The following TGM2 variants were observed in gnomAD, a reference collection of about 807,000 sequenced individuals.
The protein encoded by TGM2 is protein-glutamine gamma-glutamyltransferase 2.
In TGM2, 53 loss-of-function variants were observed where a neutral mutation model predicts 75.6. That is an observed-to-expected ratio of 0.70 (90% CI 0.56 to 0.88). The LOEUF is 0.88. TGM2 is among the 40% of genes least tolerant of loss of function. The probability of loss-of-function intolerance (pLI) is 0.00; values close to 1 mark genes in which losing one functional copy is unlikely to be tolerated. For missense variants in TGM2, 842 were observed against 928.5 expected, an observed-to-expected ratio of 0.91 and a Z score of 1.21; for synonymous variants, 374 against 381.1, an observed-to-expected ratio of 0.98 and a Z score of 0.22.
chr20:38,138,687 G>A (rs45484598), intron 9 of TGM2, among the ~76,000 whole-genome samples: 54 of 152,296 alleles, frequency 3.5e-4, no homozygotes, highest in Admixed American at 3.5e-3. Context: ...CGAGGGCTAA[G>A]GCTGTGTTTT....
intron 1 of TGM2, 118 bp downstream of exon 1, chr20:38,165,071 C>T: frequency 4.7e-6 from 7 of 1,496,982 alleles, no homozygotes; most frequent in East Asian, 2.3e-5. Context: ...GCCTCCTCAC[C>T]CAGCCCGGTC....
rs2122887787 is a variant in TGM2, at chr20:38,142,076, C to T, written c.983G>A (p.Ser328Asn). ...NEFGEIQGDK[S>N]EMIWNFHCWV... is the part of the protein sequence containing the mutation. ...GCCCCCACCTCACCAGATCATCTCG[C>T]TCTTGTCACCCTGGATCTCCCCAAA... The change falls in exon 7 of 13, where the codon AGC becomes AAC. Residue 328 changes from serine to asparagine, a missense_variant. Ser to Asn is a conservative substitution (Grantham distance 46). Transcript: ENST00000361475. The T allele has an allele frequency of 2.5e-6, 4 of 1,614,190 alleles. No homozygotes were observed. Among genetic ancestry groups the T allele is most frequent in the African/African-American group, 1.3e-5 (1 of 75,048 alleles).
In TGM2 at chr20:38,149,678, C is replaced by CAAAAAAAA. The variant is rs1199376180; in HGVS notation, c.552+1253_552+1260dup. ...TGGGCAACAGAGCGAGACTCCGCCT[C>CAAAAAAAA]AAAAAAAAAAAAAAAAAAAAAAACA... On this transcript the variant is annotated intron_variant, in intron 4 of 12. Coordinates refer to ENST00000361475, the MANE Select transcript of TGM2 (RefSeq NM_004613.4). Among the ~76,000 whole-genome samples, 35 of 40,434 alleles carry CAAAAAAAA rather than the reference C, an allele frequency of 8.7e-4. 2 individuals are homozygous for CAAAAAAAA. The highest frequency in any genetic ancestry group is 8.5e-3 in the South Asian group (8 of 944). The allele number at this position is 40,434 out of a possible 152,430, so 26.5% of individuals were successfully genotyped here.
Position 38,129,006 on chromosome 20 carries a change from A to C in TGM2, c.*1213T>G, listed in dbSNP as rs752180184. ...CTTCTCCCCTAGAACTGGGGTCTGAAGGGTGGTACCTGGGCATAGGAAGGA... is the reference window on the plus strand; with the variant it reads ...CTTCTCCCCTAGAACTGGGGTCTGACGGGTGGTACCTGGGCATAGGAAGGA... On this transcript the variant is annotated 3_prime_UTR_variant, in exon 13 of 13. Transcript: ENST00000361475. The C allele has an allele frequency of 1.3e-5, 2 of 152,446 alleles. No individual in the cohort carries two copies. Among genetic ancestry groups the C allele is most frequent in the Non-Finnish European group, 2.9e-5 (2 of 68,260 alleles). The allele number at this position is 152,446 out of a possible 1,614,324, so 9.4% of individuals were successfully genotyped here.
Position 38,156,098 on chromosome 20 carries a change from GGA to G in TGM2, c.191-11_191-10del, listed in dbSNP as rs762766513. 17 of 1,611,000 alleles carry G rather than the reference GGA, an allele frequency of 1.1e-5. No individual in the cohort carries two copies. The highest frequency in any genetic ancestry group is 1.4e-5 in the Non-Finnish European group (17 of 1,179,388). On this transcript the variant is annotated splice_polypyrimidine_tract_variant and intron_variant, in intron 2 of 12. Transcript: ENST00000361475. ...CTGGCTAGGGGCTGGGCCTGTGGAGGGAGAAGCAGTAGCCGTGAGCTAGGGGT... is the reference window on the plus strand; with the variant it reads ...CTGGCTAGGGGCTGGGCCTGTGGAGGGAAGCAGTAGCCGTGAGCTAGGGGT...
intron 9 of TGM2, 113 bp from the exon 10 acceptor site, chr20:38,138,498 G>A: frequency 1.3e-6 from 2 of 1,587,276 alleles, no homozygotes; most frequent in Non-Finnish European, 1.7e-6. Flanking sequence ...CAGCCATGAA[G>A]GAGCCCCTTC....
At position 38,163,601 on chromosome 20, in the gene TGM2, T is replaced by C. The variant is rs6091968; in HGVS notation, c.10+1588A>G. Among the ~76,000 whole-genome samples, 995 of 152,170 alleles carry C rather than the reference T, an allele frequency of 6.5e-3. 13 individuals are homozygous for C. The highest frequency in any genetic ancestry group is 0.023 in the African/African-American group (965 of 41,502). Reference sequence around the variant, plus strand: ...GGAACCACCTCACTACAGCTCAGTTTTTTCTCCAGCCCCTCTTATGACCAC... The same window carrying C: ...GGAACCACCTCACTACAGCTCAGTTCTTTCTCCAGCCCCTCTTATGACCAC... On this transcript the variant is annotated intron_variant, in intron 1 of 12. Coordinates refer to ENST00000361475, the MANE Select transcript of TGM2 (RefSeq NM_004613.4).
upstream of TGM2, chr20:38,165,420 C>A (rs2075301885): frequency 1.6e-6 from 1 of 628,696 alleles, no homozygotes; most frequent in Non-Finnish European, 2.7e-6. Flanking sequence ...GGACCGGAGC[C>A]CGAGGGAGGG....
intron 1 of TGM2, among the ~76,000 whole-genome samples, chr20:38,161,968 G>A (rs988399604): frequency 2.0e-5 from 3 of 152,048 alleles, no homozygotes; most frequent in Non-Finnish European, 4.4e-5. Flanking sequence ...ATTTATCAGT[G>A]AGCTGGGACT....
At position 38,155,929 on chromosome 20, in the gene TGM2, G is replaced by T. The variant is rs760316318; in HGVS notation, c.351C>A (p.Leu117=). 8.1e-6 allele frequency: 13 copies of T among 1,611,272 alleles called. No homozygotes were observed. Among genetic ancestry groups the T allele is most frequent in the African/African-American group, 2.7e-5 (2 of 74,952 alleles). Reference sequence around the variant, plus strand: ...GGTAGCCAGTGGAGGCCTCCAGGCTGAGGCGATACAGGCCGATGGGGGCGT... The same window carrying T: ...GGTAGCCAGTGGAGGCCTCCAGGCTTAGGCGATACAGGCCGATGGGGGCGT... ...PANAPIGLYR[L]SLEASTGYQG... is the part of the protein sequence containing the mutation. Residue 117 remains leucine (L), a synonymous_variant, in exon 3 of 13, where the codon CTC becomes CTA. Coordinates refer to ENST00000361475, the MANE Select transcript of TGM2 (RefSeq NM_004613.4).
intron 3 of TGM2, among the ~76,000 whole-genome samples, chr20:38,152,823 C>T (rs930774305): frequency 1.6e-4 from 24 of 152,216 alleles, no homozygotes; most frequent in Non-Finnish European, 1.6e-4. Context: ...GTCACTGTGC[C>T]GCTTGGCTGA....
intron 2 of TGM2, among the ~76,000 whole-genome samples, chr20:38,160,818 A>AG (rs2075243648): frequency 6.6e-6 from 1 of 152,210 alleles, no homozygotes; most frequent in African/African-American, 2.4e-5. Context: ...GATATGGGAA[A>AG]GGGCAGACAG....
chr20:38,138,725 G>A (rs2074931987), intron 9 of TGM2, among the ~76,000 whole-genome samples: 1 of 152,142 alleles, frequency 6.6e-6, no homozygotes, highest in Admixed American at 6.5e-5. Context: ...AACAGTGCTT[G>A]GTGCATACTA....
Position 38,150,926 on chromosome 20 carries a change from G to T in TGM2, c.552+13C>A. The T allele has an allele frequency of 1.3e-6, 2 of 1,587,050 alleles. No homozygotes were observed. Among genetic ancestry groups the T allele is most frequent in the Non-Finnish European group, 1.7e-6 (2 of 1,155,336 alleles). On this transcript the variant is annotated intron_variant, in intron 4 of 12. Coordinates refer to ENST00000361475, the MANE Select transcript of TGM2 (RefSeq NM_004613.4). Reference sequence around the variant, plus strand: ...GCCTGAGATGGTTGGGAGAGACAGGGTGTGGCCCTTACCTGCCCAAAATTC... The same window carrying T: ...GCCTGAGATGGTTGGGAGAGACAGGTTGTGGCCCTTACCTGCCCAAAATTC...
chr20:38,146,905 T>C lies in TGM2; in HGVS notation c.682-11A>G. 1 of 1,611,304 alleles carries C rather than the reference T, an allele frequency of 6.2e-7. No homozygotes were observed. Among genetic ancestry groups the C allele is most frequent in the Non-Finnish European group, 8.5e-7 (1 of 1,179,862 alleles). On this transcript the variant is annotated splice_polypyrimidine_tract_variant and intron_variant, in intron 5 of 12. Coordinates refer to ENST00000361475, the MANE Select transcript of TGM2 (RefSeq NM_004613.4). ...ATCGTTGCAGTTGACCTGCAACCAG[T>C]GGGGCAGCACGGGGACTGAGCCTGG... is the stretch of plus-strand genomic sequence containing the variant.
At chr20:38,164,843 C>T (rs7275079) in intron 1 of TGM2, among the ~76,000 whole-genome samples, 71,075 of 151,996 alleles carry the variant, frequency 0.47, 19,113 homozygotes, top group Non-Finnish European at 0.62. Context: ...CCTAAGTGTT[C>T]TGAGGCCAGG....
Position 38,132,493 on chromosome 20 carries a change from G to A in TGM2, c.1623C>T (p.Ser541=), listed in dbSNP as rs749370198. 17 of 1,613,996 alleles carry A rather than the reference G, an allele frequency of 1.1e-5. No homozygotes were observed. Among genetic ancestry groups the A allele is most frequent in the East Asian group, 2.2e-5 (1 of 44,880 alleles). ...NLNLEPFSEK[S]VPLCILYEKY... is the part of the protein sequence containing the mutation. ...TCTCATAGAGGATGCAAAGAGGAACGCTCTTCTCTGCAGAAGGGGAGAAAG... is the reference window on the plus strand; with the variant it reads ...TCTCATAGAGGATGCAAAGAGGAACACTCTTCTCTGCAGAAGGGGAGAAAG... Residue 541 remains serine (S), a synonymous_variant, in exon 11 of 13, where the codon AGC becomes AGT. Transcript: ENST00000361475.
chr20:38,132,682 T>A, intron 10 of TGM2, 182 bp from the exon 11 acceptor site: 1 of 818,976 alleles, frequency 1.2e-6, no homozygotes, highest in Non-Finnish European at 2.0e-6. Flanking sequence ...AGCTGGAGAG[T>A]GGACACTGAG....
chr20:38,163,308 G>A (rs1308649764), intron 1 of TGM2, among the ~76,000 whole-genome samples: 1 of 152,206 alleles, frequency 6.6e-6, no homozygotes, highest in East Asian at 1.9e-4. Flanking sequence ...CCCAGGGGCA[G>A]GAATTTGTTC....
Sources: allele counts gnomAD v4.1 joint callset (sites outside exome capture counted in the v4.1 genomes callset), GRCh38; gene constraint gnomAD v4.1.1; transcripts MANE v1.5; gene names NCBI Gene and HGNC (gene_info 2026-07-23, HGNC 2026-07-21).